Variants in KLHL3 observed in about 807,000 individuals in gnomAD.
KLHL3 encodes kelch-like protein 3.
KLHL3 carries 19 observed loss-of-function variants against 70.5 expected under a neutral mutation model. That is an observed-to-expected ratio of 0.27 (90% CI 0.19 to 0.40). The LOEUF is 0.40. KLHL3 is among the 10% of genes least tolerant of loss of function. KLHL3 has a pLI of 1.00. For synonymous variants in KLHL3, 258 were observed against 290.3 expected (o/e 0.89, Z 1.13); for missense variants, 512 against 771.1 (o/e 0.66, Z 3.98).
intron 5 of KLHL3, among the ~76,000 whole-genome samples, chr5:137,688,795 A>G (rs1752249915): frequency 6.6e-6 from 1 of 152,244 alleles, no homozygotes; most frequent in African/African-American, 2.4e-5. Context: ...GGATGTTGCC[A>G]ATAAAATGCT....
At chr5:137,670,346 T>C (rs1751722344) in intron 6 of KLHL3, among the ~76,000 whole-genome samples, 1 of 152,000 alleles carries the variant, frequency 6.6e-6, no homozygotes, top group African/African-American at 2.4e-5. Flanking sequence ...TATAATTCAT[T>C]TTGGAAATGA....
intron 6 of KLHL3, among the ~76,000 whole-genome samples, chr5:137,677,076 C>T (rs952224225): frequency 6.6e-6 from 1 of 151,910 alleles, no homozygotes; most frequent in African/African-American, 2.4e-5. Context: ...ATGTAGCAGT[C>T]ATGAGCCAGA....
intron 3 of KLHL3, among the ~76,000 whole-genome samples, chr5:137,699,811 T>C (rs1047130664): frequency 6.6e-6 from 1 of 151,920 alleles, no homozygotes; most frequent in Non-Finnish European, 1.5e-5. Flanking sequence ...TGGGCAGTTG[T>C]TTTCTCTCTG....
rs1750271296 is a variant in KLHL3, at chr5:137,620,653, CATGCCCCCTCAA to C, written c.*1433_*1444del. On this transcript the variant is annotated 3_prime_UTR_variant, in exon 15 of 15. Coordinates refer to ENST00000309755, the MANE Select transcript of KLHL3 (RefSeq NM_017415.3). ...AAGGTTTTTTAAATACAAATTACTC[CATGCCCCCTCAA>C]ATGCCCGCTCCTCAAGATGCTTGAA... 1 of 152,194 alleles carries C rather than the reference CATGCCCCCTCAA, an allele frequency of 6.6e-6. No homozygotes were observed. The highest frequency in any genetic ancestry group is 2.1e-4 in the South Asian group (1 of 4,822). The allele number at this position is 152,194 out of a possible 1,614,324, so 9.4% of individuals were successfully genotyped here.
chr5:137,698,311 G>C lies in KLHL3; in HGVS notation c.339C>G (p.Ile113Met), dbSNP rs764364392. 19 of 1,614,152 alleles carry C rather than the reference G, an allele frequency of 1.2e-5. No homozygotes were observed. The highest frequency in any genetic ancestry group is 8.8e-5 in the South Asian group (8 of 91,082). Reference sequence around the variant, plus strand: ...CCTGGACATTCTCTTCAGTCACCTCGATTTCAGCAGTATAGATGTAGTCAA... The same window carrying C: ...CCTGGACATTCTCTTCAGTCACCTCCATTTCAGCAGTATAGATGTAGTCAA... Reference protein sequence around the residue: ...KLIDYIYTAEIEVTEENVQVL... With the variant: ...KLIDYIYTAEMEVTEENVQVL... Residue 113 changes from isoleucine (I) to methionine (M), a missense_variant, in exon 4 of 15, where the codon ATC becomes ATG. Coordinates refer to ENST00000309755, the MANE Select transcript of KLHL3 (RefSeq NM_017415.3).
chr5:137,718,877 A>T (rs757619137), intron 2 of KLHL3, among the ~76,000 whole-genome samples: 59 of 152,270 alleles, frequency 3.9e-4, no homozygotes, highest in Non-Finnish European at 1.3e-4. Flanking sequence ...ATTTAATTTA[A>T]CTTGGTTATT....
At chr5:137,725,130 G>T in intron 1 of KLHL3, 1 of 854,734 alleles carries the variant, frequency 1.2e-6, no homozygotes, top group Admixed American at 6.2e-5. Flanking sequence ...CCAATCCCAA[G>T]CATTCTCAGT....
intron 11 of KLHL3, among the ~76,000 whole-genome samples, chr5:137,636,701 C>T (rs532789611): frequency 8.3e-4 from 126 of 152,258 alleles, no homozygotes; most frequent in African/African-American, 2.9e-3. Context: ...AAACAAGAGA[C>T]TAGAAATGAG....
chr5:137,663,056 CT>C (rs139890036), intron 6 of KLHL3, among the ~76,000 whole-genome samples: 17,964 of 78,332 alleles, frequency 0.23, 755 homozygotes, highest in African/African-American at 0.38. Context: ...AGCACTCGTT[CT>C]TTTTTTTTTT....
At chr5:137,692,204 T>C in intron 5 of KLHL3, 81 bp downstream of exon 5, 1 of 1,264,284 alleles carries the variant, frequency 7.9e-7, no homozygotes, top group Admixed American at 2.1e-5. Context: ...CCACTTCTCA[T>C]AATCTTTGAG....
In KLHL3 at chr5:137,625,764, C is replaced by T. The variant is rs1750443703; in HGVS notation, c.1724G>A (p.Arg575Gln). The T allele has an allele frequency of 2.5e-6, 4 of 1,614,154 alleles. No individual in the cohort carries two copies. The highest frequency in any genetic ancestry group is 2.2e-5 in the East Asian group (1 of 44,882). The change falls in exon 14 of 15, where the codon CGG (arginine) becomes CAG (glutamine). Residue 575 changes from arginine (R) to glutamine (Q), a missense_variant. Transcript: ENST00000309755. ...TGGCACACACTGACCTGCATAGCTC[C>T]GCCCCGTGCTCATGTTCGTTGGAAG... The part of the protein sequence containing the change: ...TLLPTNMSTG[R>Q]SYAGVAVIHK...
intron 6 of KLHL3, among the ~76,000 whole-genome samples, chr5:137,675,289 T>C (rs1751858270): frequency 6.6e-6 from 1 of 152,212 alleles, no homozygotes; most frequent in Non-Finnish European, 1.5e-5. Context: ...TTTAAGTGTA[T>C]ACATTAAGTG....
chr5:137,719,161 T>C (rs535472590), intron 2 of KLHL3, among the ~76,000 whole-genome samples: 103 of 152,360 alleles, frequency 6.8e-4, no homozygotes, highest in Middle Eastern at 3.4e-3. Flanking sequence ...AAGAAACAAA[T>C]AATTATTGCG....
intron 11 of KLHL3, among the ~76,000 whole-genome samples, chr5:137,634,913 T>C (rs1750730719): frequency 6.6e-6 from 1 of 152,186 alleles, no homozygotes; most frequent in Non-Finnish European, 1.5e-5. Flanking sequence ...ATTTGAGCTA[T>C]CCCAAAGCAG....
chr5:137,625,166 C>T (rs749814699), intron 14 of KLHL3, among the ~76,000 whole-genome samples: 4 of 152,268 alleles, frequency 2.6e-5, no homozygotes, highest in South Asian at 2.1e-4. Context: ...CCCCATGGCA[C>T]GGGGCCAGCC....
intron 2 of KLHL3, among the ~76,000 whole-genome samples, chr5:137,712,782 C>A (rs1752818903): frequency 2.0e-5 from 3 of 152,154 alleles, no homozygotes; most frequent in South Asian, 2.1e-4. Context: ...TCAAGCCTCT[C>A]AAACCTCTGT....
intron 3 of KLHL3, among the ~76,000 whole-genome samples, chr5:137,699,329 G>T (rs886755805): frequency 6.6e-6 from 1 of 152,124 alleles, no homozygotes; most frequent in Non-Finnish European, 1.5e-5. Flanking sequence ...GCTGGTACAT[G>T]GAGTAACAGT....
intron 2 of KLHL3, among the ~76,000 whole-genome samples, chr5:137,710,671 T>A (rs944402103): frequency 6.6e-6 from 1 of 152,222 alleles, no homozygotes; most frequent in African/African-American, 2.4e-5. Flanking sequence ...CAAGCTCCCA[T>A]CAACCCAAGA....
chr5:137,686,643 G>A (rs1318115479), intron 5 of KLHL3, among the ~76,000 whole-genome samples: 1 of 152,222 alleles, frequency 6.6e-6, no homozygotes, highest in African/African-American at 2.4e-5. Context: ...ACTTACAGTA[G>A]AGTGAGGTCA....
Sources: gnomAD v4.1 joint callset for allele counts (sites outside exome capture counted in the v4.1 genomes callset) on GRCh38, gnomAD v4.1.1 for gene constraint, MANE v1.5 for transcripts, NCBI Gene and HGNC (gene_info 2026-07-23, HGNC 2026-07-21) for gene names.